ARMC8: variants seen among roughly 807,000 people sequenced by gnomAD.
ARMC8 encodes armadillo repeat-containing protein 8.
Under a neutral mutation model 99.3 loss-of-function variants are expected in ARMC8, and 20 were observed. That is an observed-to-expected ratio of 0.20 (90% confidence interval 0.14 to 0.29). The LOEUF is 0.29. Among genes scored for constraint, ARMC8 ranks in the 10% least tolerant of loss-of-function variants. The probability of loss-of-function intolerance (pLI) is 1.00; values close to 1 mark genes in which losing one functional copy is unlikely to be tolerated. For missense variants in ARMC8, 569 were observed against 809.5 expected (o/e 0.70, Z 3.60); for synonymous variants, 263 against 278.3 (o/e 0.95, Z 0.55).
At chr3:138,258,897 C>A (rs1437554144) in intron 12 of ARMC8, among the ~76,000 whole-genome samples, 2 of 152,230 alleles carry the variant, frequency 1.3e-5, no homozygotes, top group Non-Finnish European at 2.9e-5. Context: ...AGTACCCCTT[C>A]TGGCTGGGCA....
intron 18 of ARMC8, among the ~76,000 whole-genome samples, chr3:138,280,661 T>G (rs1323932098): frequency 6.6e-6 from 1 of 151,826 alleles, no homozygotes; most frequent in Non-Finnish European, 1.5e-5. Context: ...GCCAGGCTAA[T>G]TTTTGTATTT....
intron 1 of ARMC8, among the ~76,000 whole-genome samples, chr3:138,200,075 T>G (rs1304635565): frequency 6.6e-6 from 1 of 152,200 alleles, no homozygotes; most frequent in Non-Finnish European, 1.5e-5. Context: ...TTGTGGCACT[T>G]TTTTGGCTAT....
intron 18 of ARMC8, among the ~76,000 whole-genome samples, chr3:138,282,680 C>T (rs2050051911): frequency 6.6e-6 from 1 of 151,170 alleles, no homozygotes; most frequent in Non-Finnish European, 1.5e-5. Flanking sequence ...ATTTAATTAC[C>T]TTATCCTGTA....
intron 12 of ARMC8, chr3:138,261,640 G>A (rs760957457): frequency 6.6e-6 from 1 of 152,194 alleles, no homozygotes; most frequent in African/African-American, 2.4e-5. Flanking sequence ...GATGGAAAGT[G>A]GGGAGAGGAC....
At position 138,298,196 on chromosome 3, in the gene ARMC8, C is replaced by T. The variant is rs2051650699; in HGVS notation, c.*2304C>T. The T allele has an allele frequency of 6.6e-6, 1 of 152,208 alleles. No individual in the cohort carries two copies. The highest frequency in any genetic ancestry group is 2.1e-4 in the South Asian group (1 of 4,822). The allele number at this position is 152,208 out of a possible 1,614,324, so 9.4% of individuals were successfully genotyped here. On this transcript the variant is annotated 3_prime_UTR_variant, in exon 22 of 22. Transcript: ENST00000469044. Reference sequence around the variant, plus strand: ...AAGCTTCTCGCTCTAATACTGCATTCTGTTTCTCCTTTTGTGCCCTGATTG... The same window carrying T: ...AAGCTTCTCGCTCTAATACTGCATTTTGTTTCTCCTTTTGTGCCCTGATTG...
intron 21 of ARMC8, among the ~76,000 whole-genome samples, chr3:138,295,083 G>A (rs1043137921): frequency 1.3e-5 from 2 of 151,974 alleles, no homozygotes; most frequent in Non-Finnish European, 2.9e-5. Context: ...ATTTTTGGTA[G>A]AAACAGGGTT....
intron 11 of ARMC8, 83 bp from the exon 12 acceptor site, chr3:138,245,005 C>G: frequency 1.3e-6 from 2 of 1,488,026 alleles, no homozygotes; most frequent in Non-Finnish European, 1.8e-6. Flanking sequence ...AAGTTGTAAA[C>G]TTTTTTTTTC....
rs186969513 is a variant in ARMC8, at chr3:138,210,063, T to A, written c.122+170T>A. On this transcript the variant is annotated intron_variant, in intron 2 of 21. Coordinates refer to ENST00000469044, the MANE Select transcript of ARMC8 (RefSeq NM_001363941.2). ...ACGTTTAATATTTTACCATAAAGAA[T>A]TGTCTTTTGAATAGTTGTTAACTGA... Among the ~76,000 whole-genome samples the A allele has an allele frequency of 2.0e-3, 305 of 152,386 alleles. 1 individual carries two copies. Among genetic ancestry groups the A allele is most frequent in the Non-Finnish European group, 3.1e-3 (214 of 68,042 alleles).
chr3:138,234,709 T>G (rs2046241474), intron 6 of ARMC8, among the ~76,000 whole-genome samples: 1 of 152,158 alleles, frequency 6.6e-6, no homozygotes, highest in African/African-American at 2.4e-5. Flanking sequence ...TGTGGTGGCA[T>G]TCTATTTAAT....
intron 5 of ARMC8, among the ~76,000 whole-genome samples, chr3:138,227,737 G>C (rs1035865588): frequency 5.9e-5 from 9 of 152,108 alleles, no homozygotes; most frequent in Non-Finnish European, 1.2e-4. Flanking sequence ...TCAAAGTATG[G>C]TCTGTGGACC....
chr3:138,235,195 C>A, intron 7 of ARMC8, 81 bp downstream of exon 7: 1 of 971,530 alleles, frequency 1.0e-6, no homozygotes, highest in South Asian at 1.5e-5. Context: ...TTTATTGTTT[C>A]TTTGATAATT....
chr3:138,262,424 T>C (rs1198011493), intron 12 of ARMC8: 2 of 1,211,838 alleles, frequency 1.7e-6, no homozygotes, highest in African/African-American at 3.0e-5. Flanking sequence ...ATAGATGATA[T>C]TTTCCCTGAT....
At chr3:138,206,426 T>G (rs775153590) in intron 1 of ARMC8, among the ~76,000 whole-genome samples, 3 of 152,210 alleles carry the variant, frequency 2.0e-5, no homozygotes, top group Non-Finnish European at 4.4e-5. Context: ...GCTTTCTCCT[T>G]TGCTCATTCT....
chr3:138,197,437 T>A (rs2043801871), intron 1 of ARMC8, among the ~76,000 whole-genome samples: 1 of 152,202 alleles, frequency 6.6e-6, no homozygotes, highest in Admixed American at 6.5e-5. Flanking sequence ...CCAGGATCTC[T>A]AAGTAATTAC....
At position 138,207,311 on chromosome 3, in the gene ARMC8, C is replaced by T. The variant is rs138673838; in HGVS notation, c.46-2506C>T. ...TCTAATAGGGAAATAATCATGTAAA[C>T]ATAGTAACAAGAGAATATGAATTCT... On this transcript the variant is annotated intron_variant, in intron 1 of 21. Coordinates refer to ENST00000469044, the MANE Select transcript of ARMC8 (RefSeq NM_001363941.2). 8.3e-4 allele frequency among the ~76,000 whole-genome samples: 126 copies of T among 152,270 alleles called. 1 individual carries two copies. The highest frequency in any genetic ancestry group is 3.7e-4 in the Non-Finnish European group (25 of 68,024).
chr3:138,236,811 TG>T (rs1414108645), intron 7 of ARMC8, among the ~76,000 whole-genome samples: 1 of 152,140 alleles, frequency 6.6e-6, no homozygotes. Context: ...ATTGGGCCCT[TG>T]GTATTATCCC....
chr3:138,290,689 C>G (rs756515622), intron 21 of ARMC8, 50 bp downstream of exon 21: 1 of 1,264,842 alleles, frequency 7.9e-7, no homozygotes, highest in Non-Finnish European at 1.1e-6. Flanking sequence ...TGGATTCTTT[C>G]GTGAAAGGGT....
At chr3:138,219,877 T>C (rs192989388) in intron 2 of ARMC8, among the ~76,000 whole-genome samples, 2 of 152,312 alleles carry the variant, frequency 1.3e-5, no homozygotes, top group Non-Finnish European at 2.9e-5. Context: ...TGTTTGCTCT[T>C]GTCTGTAAAA....
intron 12 of ARMC8, among the ~76,000 whole-genome samples, chr3:138,255,664 C>T (rs1290087133): frequency 1.3e-5 from 2 of 152,120 alleles, no homozygotes; most frequent in South Asian, 2.1e-4. Context: ...CTAAGAGAAA[C>T]TGAACAGCTT....
Sources: allele counts gnomAD v4.1 joint callset (sites outside exome capture counted in the v4.1 genomes callset), GRCh38; gene constraint gnomAD v4.1.1; transcripts MANE v1.5; gene names NCBI Gene and HGNC (gene_info 2026-07-23, HGNC 2026-07-21).